Variants in KIAA1614 observed in about 807,000 individuals in gnomAD.
The protein encoded by KIAA1614 is KIAA1614.
KIAA1614 carries 76 observed loss-of-function variants against 88.7 expected under a neutral mutation model. The observed-to-expected ratio is 0.86, with a 90% CI of 0.71 to 1.04. The LOEUF is 1.04. Among genes scored for constraint, KIAA1614 ranks in the 50% least tolerant of loss-of-function variants. The probability of loss-of-function intolerance (pLI) is 0.00; values close to 1 mark genes in which losing one functional copy is unlikely to be tolerated. For synonymous variants in KIAA1614, 714 were observed against 675.5 expected, an observed-to-expected ratio of 1.06 and a Z score of -0.88; for missense variants, 1,553 against 1,582.5, an observed-to-expected ratio of 0.98 and a Z score of 0.32.
Position 180,916,859 on chromosome 1 carries a change from A to C in KIAA1614, c.756A>C (p.Ala252=). ...YPFPDGVVTE[A]DLDSTSLTSE... The stretch of plus-strand genomic sequence containing the variant: ...TTCCAGATGGCGTGGTGACAGAGGC[A>C]GATCTGGATAGCACATCCCTGACCT... Residue 252 remains alanine, a synonymous_variant, in exon 2 of 9, where the codon GCA becomes GCC. Coordinates refer to ENST00000367588, the MANE Select transcript of KIAA1614 (RefSeq NM_020950.2). The C allele has an allele frequency of 6.2e-7, 1 of 1,614,252 alleles. No individual in the cohort carries two copies. The highest frequency in any genetic ancestry group is 8.5e-7 in the Non-Finnish European group (1 of 1,180,042).
Position 180,950,423 on chromosome 1 carries a change from G to C in KIAA1614, c.*4835G>C, listed in dbSNP as rs1451967303. 1 of 1,216,886 alleles carries C rather than the reference G, an allele frequency of 8.2e-7. No homozygotes were observed. The highest frequency in any genetic ancestry group is 1.4e-5 in the South Asian group (1 of 71,296). 75.4% of individuals were successfully genotyped at this position (1,216,886 alleles called of 1,614,324 possible). On this transcript the variant is annotated 3_prime_UTR_variant, in exon 9 of 9. Transcript: ENST00000367588. ...GGGGGTGGGCGATGAGATCCTCGAG[G>C]TGAACGGGGCCAAGGTGGCAGGGCT...
chr1:180,924,934 C>CA (rs1654036473), intron 3 of KIAA1614, among the ~76,000 whole-genome samples: 1 of 101,282 alleles, frequency 9.9e-6, no homozygotes, highest in Non-Finnish European at 2.5e-5. Flanking sequence ...GGACTCTTAC[C>CA]AAGTGCCCAG....
At chr1:180,929,886 A>T (rs1654155133) in intron 4 of KIAA1614, among the ~76,000 whole-genome samples, 1 of 152,130 alleles carries the variant, frequency 6.6e-6, no homozygotes, top group South Asian at 2.1e-4. Flanking sequence ...CTTAGGGAAC[A>T]GGGATCTTGG....
rs1312046671 is a variant in KIAA1614, at chr1:180,917,006, C to T, written c.903C>T (p.Arg301=). The T allele has an allele frequency of 6.2e-7, 1 of 1,614,034 alleles. No individual in the cohort carries two copies. Among genetic ancestry groups the T allele is most frequent in the South Asian group, 1.1e-5 (1 of 91,088 alleles). Residue 301 remains arginine, a synonymous_variant, in exon 2 of 9, where the codon CGC becomes CGT. Transcript: ENST00000367588. ...LSLSDRVERN[R]LLLQEMLNVS... ...TGTCTGATCGGGTGGAGAGAAACCGCCTGTTGCTGCAGGAGATGCTCAACG... is the reference window on the plus strand; with the variant it reads ...TGTCTGATCGGGTGGAGAGAAACCGTCTGTTGCTGCAGGAGATGCTCAACG...
Position 180,950,297 on chromosome 1 carries a change from C to T in KIAA1614, c.*4709C>T, listed in dbSNP as rs1057501579. The T allele has an allele frequency of 7.1e-6, 8 of 1,130,450 alleles. No homozygotes were observed. Among genetic ancestry groups the T allele is most frequent in the Middle Eastern group, 4.8e-4 (2 of 4,142 alleles). The allele number at this position is 1,130,450 out of a possible 1,614,324, so 70.0% of individuals were successfully genotyped here. A position where few individuals can be genotyped will look rare whatever the true frequency, so the allele number is the denominator to read the frequency against. On this transcript the variant is annotated 3_prime_UTR_variant, in exon 9 of 9. Coordinates refer to ENST00000367588, the MANE Select transcript of KIAA1614 (RefSeq NM_020950.2). ...TCAGCATTCCAGAGATGCACTTCTT[C>T]GATTTGGGTGTCATTGTGAAATTCT...
At chr1:180,914,589 G>A (rs1455476844) in intron 1 of KIAA1614, among the ~76,000 whole-genome samples, 5 of 151,896 alleles carry the variant, frequency 3.3e-5, no homozygotes, top group South Asian at 2.1e-4. Context: ...TCGCTCTATC[G>A]CCCAGGCTGG....
In KIAA1614 at chr1:180,913,073, C is replaced by T; in HGVS notation, c.-171C>T. On this transcript the variant is annotated 5_prime_UTR_variant, in exon 1 of 9. Transcript: ENST00000367588. ...CGGGGGCTGCCAGCAGAGCCGGGAG[C>T]TGGCCCGGCCTCGGCGCCGTCCCGG... The T allele has an allele frequency of 2.7e-6, 1 of 374,188 alleles. No individual in the cohort carries two copies. Among genetic ancestry groups the T allele is most frequent in the Non-Finnish European group, 4.6e-6 (1 of 219,424 alleles). 23.2% of individuals were successfully genotyped at this position (374,188 alleles called of 1,614,324 possible). A position where few individuals can be genotyped will look rare whatever the true frequency, so the allele number is the denominator to read the frequency against.
At chr1:180,940,667 ACTCT>A (rs556894307) in intron 6 of KIAA1614, among the ~76,000 whole-genome samples, 5 of 115,264 alleles carry the variant, frequency 4.3e-5, no homozygotes, top group South Asian at 2.9e-4. Flanking sequence ...CTTTTCCTTT[ACTCT>A]CTCTCTCTCC....
chr1:180,922,274 T>C (rs12753478), intron 3 of KIAA1614, among the ~76,000 whole-genome samples: 40,614 of 152,140 alleles, frequency 0.27, 5,828 homozygotes, highest in South Asian at 0.44. Context: ...GCTGTAGTGA[T>C]GAGGGAAGCG....
intron 3 of KIAA1614, among the ~76,000 whole-genome samples, chr1:180,922,666 C>A (rs898542681): frequency 9.9e-5 from 15 of 152,166 alleles, no homozygotes; most frequent in Non-Finnish European, 1.9e-4. Flanking sequence ...TAGGAAAAAA[C>A]CAAAATGTTT....
chr1:180,943,942 G>C (rs1406939256), intron 7 of KIAA1614: 1 of 160,834 alleles, frequency 6.2e-6, no homozygotes, highest in Non-Finnish European at 1.4e-5. Flanking sequence ...ATGATTTCTT[G>C]TCTTTTTATC....
intron 3 of KIAA1614, among the ~76,000 whole-genome samples, chr1:180,922,380 C>T (rs910844146): frequency 2.6e-5 from 4 of 152,198 alleles, no homozygotes; most frequent in African/African-American, 9.7e-5. Context: ...TGTACACACC[C>T]TTCAGGAAAT....
chr1:180,938,800 G>T, intron 6 of KIAA1614, 89 bp downstream of exon 6: 2 of 1,254,986 alleles, frequency 1.6e-6, no homozygotes, highest in South Asian at 2.8e-5. Context: ...GTGGTGGCAT[G>T]ACCCACCTCC....
rs746042155 is a variant in KIAA1614, at chr1:180,935,257, G to C, written c.1348G>C (p.Val450Leu). ...RPRRGPSPSH[V>L]RFEDESAREA... Reference sequence around the variant, plus strand: ...GAGGCGGGGCCCCTCGCCGTCGCACGTGCGCTTTGAGGATGAGTCCGCCCG... The same window carrying C: ...GAGGCGGGGCCCCTCGCCGTCGCACCTGCGCTTTGAGGATGAGTCCGCCCG... Residue 450 changes from valine to leucine, a missense_variant, in exon 5 of 9, where the codon GTG (valine) becomes CTG (leucine). By Grantham distance (32) the Val-to-Leu change is conservative. Coordinates refer to ENST00000367588, the MANE Select transcript of KIAA1614 (RefSeq NM_020950.2). The surrounding 1 kb of genome is among the most constrained non-coding windows in gnomAD (Gnocchi z 6.1). The C allele has an allele frequency of 6.6e-7, 1 of 1,523,690 alleles. No individual in the cohort carries two copies. The highest frequency in any genetic ancestry group is 8.8e-7 in the Non-Finnish European group (1 of 1,139,182). The allele number at this position is 1,523,690 out of a possible 1,614,324, so 94.4% of individuals were successfully genotyped here.
In KIAA1614 at chr1:180,917,912, C is replaced by T; in HGVS notation, c.1059C>T (p.Asn353=). 4.3e-6 allele frequency: 7 copies of T among 1,613,404 alleles called. No individual in the cohort carries two copies. Among genetic ancestry groups the T allele is most frequent in the Non-Finnish European group, 5.9e-6 (7 of 1,179,516 alleles). Reference sequence around the variant, plus strand: ...CCTCCTTGCAGGACTCCGGCCAGAACAGGTAAGAGCTCAGAGCCCACATTT... The same window carrying T: ...CCTCCTTGCAGGACTCCGGCCAGAATAGGTAAGAGCTCAGAGCCCACATTT... ...SGTSLQDSGQ[N]RTVGPNPEPV... Residue 353 remains asparagine (N), a splice_region_variant and synonymous_variant, in exon 3 of 9, where the codon AAC becomes AAT. Coordinates refer to ENST00000367588, the MANE Select transcript of KIAA1614 (RefSeq NM_020950.2).
Position 180,935,804 on chromosome 1 carries a change from A to C in KIAA1614, c.1895A>C (p.Gln632Pro). 1 of 1,613,798 alleles carries C rather than the reference A, an allele frequency of 6.2e-7. No individual in the cohort carries two copies. Among genetic ancestry groups the C allele is most frequent in the Non-Finnish European group, 8.5e-7 (1 of 1,179,944 alleles). The change falls in exon 5 of 9, where the codon CAG becomes CCG. Residue 632 changes from glutamine (Q) to proline (P), a missense_variant. Gln to Pro is a moderately conservative substitution (Grantham distance 76). Transcript: ENST00000367588. The surrounding 1 kb of genome is among the most constrained non-coding windows in gnomAD (Gnocchi z 6.1). ...GACAGTGAGGAGGCGGGGACCTCTC[A>C]GGCTGGCTGGGCGTGTGGGCGGACC... ...RTDSEEAGTS[Q>P]AGWACGRTQG... is the part of the protein sequence containing the mutation.
rs966574947 is a variant in KIAA1614, at chr1:180,935,757, C to T, written c.1848C>T (p.Asp616=). 1 of 1,613,892 alleles carries T rather than the reference C, an allele frequency of 6.2e-7. No homozygotes were observed. Among genetic ancestry groups the T allele is most frequent in the African/African-American group, 1.3e-5 (1 of 75,072 alleles). ...TGGACTCTGCCCTGGACAGCACAGA[C>T]AACTCTGACAACTGCAGGACCGACA... ...AEVDSALDST[D]NSDNCRTDSE... is the part of the protein sequence containing the mutation. The change falls in exon 5 of 9, where the codon GAC becomes GAT. Residue 616 remains aspartate (D), a synonymous_variant. Transcript: ENST00000367588. The surrounding 1 kb of genome is among the most constrained non-coding windows in gnomAD (Gnocchi z 6.1).
chr1:180,943,972 A>G (rs1231137289), intron 7 of KIAA1614: 1 of 160,754 alleles, frequency 6.2e-6, no homozygotes, highest in Non-Finnish European at 1.4e-5. Flanking sequence ...TGAAGGTGCA[A>G]TATTCAATTT....
At chr1:180,923,635 T>C (rs997057354) in intron 3 of KIAA1614, among the ~76,000 whole-genome samples, 4 of 152,288 alleles carry the variant, frequency 2.6e-5, no homozygotes, top group Non-Finnish European at 5.9e-5. Context: ...TGTTCTTGTC[T>C]CCGGGCCCCA....
Sources: allele counts gnomAD v4.1 joint callset (sites outside exome capture counted in the v4.1 genomes callset), GRCh38; gene constraint gnomAD v4.1.1; non-coding constraint Gnocchi (gnomAD v3.1); transcripts MANE v1.5; gene names NCBI Gene and HGNC (gene_info 2026-07-23, HGNC 2026-07-21).